Variants in AFAP1L1 observed in about 807,000 individuals in gnomAD.
AFAP1L1 encodes actin filament-associated protein 1-like 1.
AFAP1L1 carries 77 observed loss-of-function variants against 99.8 expected under a neutral mutation model. The ratio of observed to expected loss-of-function variants is 0.77; its 90% CI spans 0.64 to 0.93. The LOEUF is 0.93. Ranked by LOEUF, AFAP1L1 falls within the 40% of genes least tolerant of loss-of-function variation. The pLI, the probability that AFAP1L1 is intolerant of heterozygous loss-of-function variation, is 0.00. For synonymous variants in AFAP1L1, 373 were observed against 395.3 expected, an observed-to-expected ratio of 0.94 and a Z score of 0.67; for missense variants, 893 against 996.8, an observed-to-expected ratio of 0.90 and a Z score of 1.40.
chr5:149,302,373 C>G lies in AFAP1L1; in HGVS notation c.328-45C>G, dbSNP rs779586258. ...TCCCTCTCCCTCAGCCTCTCTCTCCCTACCCTGCTCCGCTCCCCTAGCCCT... is the reference window on the plus strand; with the variant it reads ...TCCCTCTCCCTCAGCCTCTCTCTCCGTACCCTGCTCCGCTCCCCTAGCCCT... On this transcript the variant is annotated intron_variant, in intron 4 of 18. Transcript: ENST00000296721. 8 of 1,462,444 alleles carry G rather than the reference C, an allele frequency of 5.5e-6. 1 individual carries two copies. In the South Asian group the frequency reaches 1.0e-4, roughly 18 times the overall value. The allele number at this position is 1,462,444 out of a possible 1,614,324, so 90.6% of individuals were successfully genotyped here. A position where few individuals can be genotyped will look rare whatever the true frequency, so the allele number is the denominator to read the frequency against.
In AFAP1L1 at chr5:149,332,951, A is replaced by C. The variant is rs559289113; in HGVS notation, c.2154+78A>C. 8 of 1,436,906 alleles carry C rather than the reference A, an allele frequency of 5.6e-6. No homozygotes were observed. In the South Asian group the frequency reaches 1.2e-4, roughly 22 times the overall value. The allele number at this position is 1,436,906 out of a possible 1,614,324, so 89.0% of individuals were successfully genotyped here. A position where few individuals can be genotyped will look rare whatever the true frequency, so the allele number is the denominator to read the frequency against. ...CACTACAGATCTCTTCTTCATGATC[A>C]TTCTTTGGAGGTAGGGGTTATGCCC... On this transcript the variant is annotated intron_variant, in intron 17 of 18. Transcript: ENST00000296721.
intron 15 of AFAP1L1, among the ~76,000 whole-genome samples, chr5:149,329,385 T>G (rs1458873288): frequency 6.6e-6 from 1 of 152,170 alleles, no homozygotes; most frequent in Non-Finnish European, 1.5e-5. Flanking sequence ...TACCAGTCAC[T>G]TTTGCCTAAT....
intron 1 of AFAP1L1, among the ~76,000 whole-genome samples, chr5:149,273,646 A>G (rs1471014719): frequency 6.6e-6 from 1 of 152,160 alleles, no homozygotes; most frequent in South Asian, 2.1e-4. Context: ...TTTCTAGGCA[A>G]GTGTGAAGAG....
intron 1 of AFAP1L1, among the ~76,000 whole-genome samples, chr5:149,295,012 T>C (rs1322760617): frequency 6.6e-6 from 1 of 152,206 alleles, no homozygotes; most frequent in Non-Finnish European, 1.5e-5. Context: ...TGAGATAATG[T>C]GCATTAACTG....
In AFAP1L1 at chr5:149,271,864, G is replaced by C. The variant is rs375581729; in HGVS notation, c.-105G>C. 1.1e-6 allele frequency: 1 copy of C among 906,056 alleles called. No homozygotes were observed. The highest frequency in any genetic ancestry group is 1.8e-5 in the African/African-American group (1 of 56,776). The allele number at this position is 906,056 out of a possible 1,614,324, so 56.1% of individuals were successfully genotyped here. On this transcript the variant is annotated 5_prime_UTR_variant, in exon 1 of 19. Transcript: ENST00000296721. ...TGTCTGGGGGAGGGGACCGCAGAGA[G>C]CGCCGGCCGCTGGGCTGGCCTGAGA...
chr5:149,295,551 AAAG>A (rs1755990067), intron 1 of AFAP1L1, among the ~76,000 whole-genome samples: 1 of 152,118 alleles, frequency 6.6e-6, no homozygotes, highest in South Asian at 2.1e-4. Context: ...GAAAGAAACA[AAAG>A]AAGGGAGAGA....
intron 6 of AFAP1L1, 63 bp downstream of exon 6, chr5:149,306,467 T>G: frequency 6.9e-7 from 1 of 1,447,428 alleles, no homozygotes; most frequent in Non-Finnish European, 9.5e-7. Context: ...GAGCAGGCCT[T>G]GTCCTGGCCC....
chr5:149,290,646 G>A (rs938986548), intron 1 of AFAP1L1, among the ~76,000 whole-genome samples: 1 of 152,140 alleles, frequency 6.6e-6, no homozygotes, highest in Non-Finnish European at 1.5e-5. Context: ...ACAAAATAGA[G>A]CATTTGGGAG....
chr5:149,280,747 C>A (rs1263040011), intron 1 of AFAP1L1, among the ~76,000 whole-genome samples: 1 of 152,110 alleles, frequency 6.6e-6, no homozygotes, highest in Non-Finnish European at 1.5e-5. Context: ...CCTTCTATCA[C>A]CCTCTCAAAA....
chr5:149,307,345 G>A (rs1434788161), intron 6 of AFAP1L1, 57 bp from the exon 7 acceptor site: 13 of 1,579,494 alleles, frequency 8.2e-6, no homozygotes, highest in Non-Finnish European at 1.0e-5. Flanking sequence ...GCAGAGGGGT[G>A]AGAAGGTGCT....
chr5:149,319,769 C>A, intron 13 of AFAP1L1, 42 bp downstream of exon 13: 1 of 1,603,024 alleles, frequency 6.2e-7, no homozygotes, highest in South Asian at 1.1e-5. Context: ...CAGGACCTTT[C>A]CTGTCTCCAT....
At chr5:149,278,435 A>G (rs1034171676) in intron 1 of AFAP1L1, among the ~76,000 whole-genome samples, 3 of 152,142 alleles carry the variant, frequency 2.0e-5, no homozygotes, top group Non-Finnish European at 4.4e-5. Context: ...AGCTCTGTTG[A>G]TTGAGCCTCT....
chr5:149,271,960 G>A lies in AFAP1L1; in HGVS notation c.-9G>A. 1.6e-6 allele frequency: 2 copies of A among 1,234,374 alleles called. No individual in the cohort carries two copies. The highest frequency in any genetic ancestry group is 2.0e-6 in the Non-Finnish European group (2 of 987,364). 76.5% of individuals were successfully genotyped at this position (1,234,374 alleles called of 1,614,324 possible). ...CTGCGGCCCGCTCCCCGGGGACCGG[G>A]CCGGCGCCATGGACCGAGGCCAGGG... On this transcript the variant is annotated 5_prime_UTR_variant, in exon 1 of 19. Transcript: ENST00000296721.
chr5:149,309,851 G>A, intron 7 of AFAP1L1, 105 bp from the exon 8 acceptor site: 1 of 1,412,064 alleles, frequency 7.1e-7, no homozygotes, highest in South Asian at 1.3e-5. Flanking sequence ...GGGTGGGGGA[G>A]GTCTCTAAAG....
At chr5:149,318,793 A>G (rs535580899) in intron 12 of AFAP1L1, among the ~76,000 whole-genome samples, 5 of 152,336 alleles carry the variant, frequency 3.3e-5, no homozygotes, top group Middle Eastern at 3.4e-3. Flanking sequence ...GCCATTACAG[A>G]TAAGGAAACT....
At chr5:149,277,884 T>G (rs1463967711) in intron 1 of AFAP1L1, among the ~76,000 whole-genome samples, 3 of 152,154 alleles carry the variant, frequency 2.0e-5, no homozygotes, top group Non-Finnish European at 4.4e-5. Flanking sequence ...TTAACTCTGT[T>G]CCCTATGGAG....
At position 149,310,090 on chromosome 5, in the gene AFAP1L1, G is replaced by A; in HGVS notation, c.882G>A (p.Leu294=). Residue 294 remains leucine, a synonymous_variant, in exon 8 of 19, where the codon TTG becomes TTA. Coordinates refer to ENST00000296721, the MANE Select transcript of AFAP1L1 (RefSeq NM_152406.4). ...LRFTQGATEV[L]VLALQSREQA... ...TCACCCAGGGGGCTACCGAGGTCTT[G>A]GTGCTGGCACTGCAGAGCCGAGAGC... 1 of 1,613,640 alleles carries A rather than the reference G, an allele frequency of 6.2e-7. No individual in the cohort carries two copies. The highest frequency in any genetic ancestry group is 1.1e-5 in the South Asian group (1 of 91,010).
Position 149,315,986 on chromosome 5 carries a change from G to T in AFAP1L1, c.1114+72G>T, listed in dbSNP as rs954296013. 3 of 1,596,434 alleles carry T rather than the reference G, an allele frequency of 1.9e-6. No individual in the cohort carries two copies. In the African/African-American group the frequency reaches 4.0e-5, roughly 21 times the overall value. On this transcript the variant is annotated intron_variant, in intron 10 of 18. Transcript: ENST00000296721. The stretch of plus-strand genomic sequence containing the variant: ...GGGCCTTGCCCATGGGCACACAGCG[G>T]CAGAGCAGGTTCTGACCATTCTGTA...
At chr5:149,276,634 C>G (rs1410953980) in intron 1 of AFAP1L1, 1 of 151,946 alleles carries the variant, frequency 6.6e-6, no homozygotes, top group African/African-American at 2.4e-5. Flanking sequence ...CATAGGGGAT[C>G]CACTCAATAA....
Sources: gnomAD v4.1 joint callset for allele counts (sites outside exome capture counted in the v4.1 genomes callset) on GRCh38, gnomAD v4.1.1 for gene constraint, MANE v1.5 for transcripts, NCBI Gene and HGNC (gene_info 2026-07-23, HGNC 2026-07-21) for gene names.